LAMA2: variants seen among roughly 807,000 people sequenced by gnomAD.
LAMA2 encodes laminin subunit alpha-2.
LAMA2 carries 269 observed loss-of-function variants against 364.8 expected under a neutral mutation model. The ratio of observed to expected loss-of-function variants is 0.74; its 90% CI spans 0.67 to 0.82. The LOEUF (loss-of-function observed/expected upper bound fraction) is 0.82, where lower values mean the gene tolerates loss of function less well. LAMA2 is among the 40% of genes least tolerant of loss of function. The probability of loss-of-function intolerance (pLI) is 0.00; values close to 1 mark genes in which losing one functional copy is unlikely to be tolerated. For synonymous variants in LAMA2, 1,379 were observed against 1,370.6 expected, an observed-to-expected ratio of 1.01 and a Z score of -0.14; for missense variants, 3,807 against 3,873.2, an observed-to-expected ratio of 0.98 and a Z score of 0.45.
At chr6:129,281,340 T>A (rs895689265) in intron 18 of LAMA2, among the ~76,000 whole-genome samples, 1 of 152,134 alleles carries the variant, frequency 6.6e-6, no homozygotes, top group Non-Finnish European at 1.5e-5. Context: ...ACAGGCAACC[T>A]TTTTTTAGCA....
chr6:128,932,478 A>G (rs1779541626), intron 1 of LAMA2, among the ~76,000 whole-genome samples: 1 of 152,224 alleles, frequency 6.6e-6, no homozygotes. Context: ...AGACTTACAT[A>G]TATTACAGAG....
chr6:129,505,422 T>A, intron 61 of LAMA2, 67 bp downstream of exon 61: 1 of 1,352,188 alleles, frequency 7.4e-7, no homozygotes, highest in Non-Finnish European at 1.1e-6. Context: ...ATATTTTGAC[T>A]TATTAGGTCA....
At position 129,165,680 on chromosome 6, in the gene LAMA2, G is replaced by A. The variant is rs1263301138; in HGVS notation, c.1306+5G>A. 2 of 1,568,100 alleles carry A rather than the reference G, an allele frequency of 1.3e-6. No homozygotes were observed. Among genetic ancestry groups the A allele is most frequent in the Non-Finnish European group, 1.8e-6 (2 of 1,138,846 alleles). On this transcript the variant is annotated splice_donor_5th_base_variant and intron_variant, in intron 9 of 64. Transcript: ENST00000421865. ...ATGAGAAACATGCTCGACGAGGTGA[G>A]AGCTGCAGCAGAATGTCACTGCTCT... is the stretch of plus-strand genomic sequence containing the variant.
intron 58 of LAMA2, among the ~76,000 whole-genome samples, chr6:129,501,439 A>G (rs1225510881): frequency 2.0e-5 from 3 of 152,220 alleles, no homozygotes; most frequent in Non-Finnish European, 4.4e-5. Flanking sequence ...CGGCATTTCA[A>G]AACACTTTAA....
intron 3 of LAMA2, among the ~76,000 whole-genome samples, chr6:129,078,283 C>T (rs1426571609): frequency 4.0e-5 from 6 of 151,872 alleles, no homozygotes; most frequent in South Asian, 4.2e-4. Flanking sequence ...TACAGGTGCG[C>T]GCCACTATAC....
chr6:129,260,239 T>C (rs1456807169), intron 14 of LAMA2, among the ~76,000 whole-genome samples: 1 of 152,110 alleles, frequency 6.6e-6, no homozygotes, highest in Non-Finnish European at 1.5e-5. Context: ...AACAAGCAGA[T>C]TTATCTCTAA....
chr6:128,902,109 T>C (rs1297367894), intron 1 of LAMA2, among the ~76,000 whole-genome samples: 1 of 152,146 alleles, frequency 6.6e-6, no homozygotes, highest in Non-Finnish European at 1.5e-5. Context: ...CCATCAGACC[T>C]CATGAGACTA....
intron 1 of LAMA2, among the ~76,000 whole-genome samples, chr6:128,961,317 T>TTA (rs1781475527): frequency 2.3e-5 from 1 of 43,358 alleles, no homozygotes; most frequent in African/African-American, 6.6e-5. Flanking sequence ...AGAACTAATA[T>TTA]GATATATATA....
intron 1 of LAMA2, among the ~76,000 whole-genome samples, chr6:129,039,264 A>G (rs888501873): frequency 6.6e-5 from 10 of 152,230 alleles, no homozygotes; most frequent in Admixed American, 4.6e-4. Context: ...GAGCTATGAA[A>G]GATGAACATG....
At position 129,328,305 on chromosome 6, in the gene LAMA2, C is replaced by T. The variant is rs762360002; in HGVS notation, c.4204C>T (p.Arg1402Cys). 9 of 1,613,988 alleles carry T rather than the reference C, an allele frequency of 5.6e-6. No individual in the cohort carries two copies. Among genetic ancestry groups the T allele is most frequent in the East Asian group, 2.2e-5 (1 of 44,890 alleles). Residue 1402 changes from arginine (R) to cysteine (C), a missense_variant, in exon 29 of 65, where the codon CGT (arginine) becomes TGT (cysteine). This residue lies in a region of LAMA2 where 3,333 missense variants were observed against 3,345.7 expected (regional missense o/e 1.00). Coordinates refer to ENST00000421865, the MANE Select transcript of LAMA2 (RefSeq NM_000426.4). ...EACLPGFYRL[R>C]SQPGGRTPGP... is the part of the protein sequence containing the mutation. ...ATGCTTGCCGGGATTTTATCGACTG[C>T]GTTCTCAACCAGGTGGCCGCACCCC...
chr6:129,306,842 C>T (rs1183614052), intron 22 of LAMA2, among the ~76,000 whole-genome samples: 7 of 151,960 alleles, frequency 4.6e-5, no homozygotes, highest in African/African-American at 1.7e-4. Context: ...ACTATACTCA[C>T]ATTTTTTCAT....
intron 21 of LAMA2, among the ~76,000 whole-genome samples, chr6:129,298,807 ATGATAAGTTATTCTAAT>A (rs3839403): frequency 0.34 from 51,574 of 151,476 alleles, 10,446 homozygotes; most frequent in Non-Finnish European, 0.45. Flanking sequence ...AAATTAAGCC[ATGATAAGTTATTCTAAT>A]TGATAAGTTA....
intron 9 of LAMA2, among the ~76,000 whole-genome samples, chr6:129,175,608 G>T (rs187377898): frequency 1.3e-5 from 2 of 152,054 alleles, no homozygotes; most frequent in Non-Finnish European, 2.9e-5. Flanking sequence ...ACCAAACACC[G>T]CATGTTCTTA....
chr6:128,995,045 G>A (rs930841785), intron 1 of LAMA2, among the ~76,000 whole-genome samples: 2 of 151,998 alleles, frequency 1.3e-5, no homozygotes, highest in Non-Finnish European at 1.5e-5. Context: ...TTTTGTCATA[G>A]TAACAACAAT....
intron 40 of LAMA2, among the ~76,000 whole-genome samples, chr6:129,413,123 G>A (rs569212043): frequency 7.9e-5 from 12 of 152,228 alleles, no homozygotes; most frequent in Admixed American, 1.3e-4. Flanking sequence ...GATACACTAT[G>A]CAAACTCTAA....
At chr6:129,308,818 G>A (rs1164755503) in intron 22 of LAMA2, among the ~76,000 whole-genome samples, 2 of 152,164 alleles carry the variant, frequency 1.3e-5, no homozygotes, top group African/African-American at 2.4e-5. Flanking sequence ...ATGATGGAAG[G>A]CCAAGCAAGG....
chr6:129,005,849 T>A (rs933756375), intron 1 of LAMA2, among the ~76,000 whole-genome samples: 3 of 151,158 alleles, frequency 2.0e-5, no homozygotes, highest in Non-Finnish European at 1.5e-5. Context: ...ATATATATTT[T>A]TATATATATA....
intron 40 of LAMA2, among the ~76,000 whole-genome samples, chr6:129,413,550 TCC>T (rs756457717): frequency 5.9e-5 from 9 of 152,030 alleles, no homozygotes; most frequent in Non-Finnish European, 1.2e-4. Flanking sequence ...TATCAGCAAA[TCC>T]TAATGATCCA....
chr6:129,123,280 T>G (rs1776910447), intron 4 of LAMA2, among the ~76,000 whole-genome samples: 1 of 150,012 alleles, frequency 6.7e-6, no homozygotes, highest in Non-Finnish European at 1.5e-5. Flanking sequence ...CACTTCAGCC[T>G]GAGCGATAGA....
Sources: allele counts gnomAD v4.1 joint callset (sites outside exome capture counted in the v4.1 genomes callset), GRCh38; gene constraint gnomAD v4.1.1; regional missense constraint gnomAD v4.1.1; transcripts MANE v1.5; gene names NCBI Gene and HGNC (gene_info 2026-07-23, HGNC 2026-07-21).